FRMD5: variants seen among roughly 807,000 people sequenced by gnomAD.
The protein encoded by FRMD5 is FERM domain-containing protein 5.
FRMD5 carries 20 observed loss-of-function variants against 69.0 expected under a neutral mutation model. That is an observed-to-expected ratio of 0.29 (90% confidence interval 0.20 to 0.42). FRMD5 has a LOEUF of 0.42. FRMD5 is among the 10% of genes least tolerant of loss of function. FRMD5 has a pLI of 1.00. For synonymous variants in FRMD5, 271 were observed against 260.1 expected (o/e 1.04, Z -0.40); for missense variants, 595 against 708.6 (o/e 0.84, Z 1.82).
chr15:44,095,194 C>T (rs1322213494), intron 1 of FRMD5, among the ~76,000 whole-genome samples: 2 of 151,564 alleles, frequency 1.3e-5, no homozygotes, highest in Admixed American at 1.3e-4. Context: ...CCAGGGGATT[C>T]ACAATTTCTT....
intron 1 of FRMD5, among the ~76,000 whole-genome samples, chr15:43,952,010 G>C (rs903873780): frequency 0.015 from 2,228 of 148,786 alleles, 51 homozygotes; most frequent in African/African-American, 0.049. Context: ...CTGTGTGTGT[G>C]TGTGTGTGTG....
chr15:43,986,069 T>G (rs1889379821), intron 1 of FRMD5, among the ~76,000 whole-genome samples: 1 of 152,234 alleles, frequency 6.6e-6, no homozygotes. Flanking sequence ...CATGGTTTAT[T>G]AACTGTGAGT....
intron 1 of FRMD5, among the ~76,000 whole-genome samples, chr15:43,928,328 T>C (rs1239988401): frequency 1.3e-5 from 2 of 152,054 alleles, no homozygotes; most frequent in Non-Finnish European, 2.9e-5. Context: ...AGGAAAGAGG[T>C]AGACATAGAA....
At chr15:43,999,982 ATATATATG>A (rs1260692405) in intron 1 of FRMD5, among the ~76,000 whole-genome samples, 6 of 101,892 alleles carry the variant, frequency 5.9e-5, no homozygotes, top group African/African-American at 2.6e-4. Context: ...ATATATATAT[ATATATATG>A]TGCCATGATT....
intron 1 of FRMD5, among the ~76,000 whole-genome samples, chr15:44,007,749 G>C (rs1325492261): frequency 1.4e-5 from 2 of 146,520 alleles, no homozygotes; most frequent in East Asian, 4.1e-4. Flanking sequence ...GGGTTCAAGT[G>C]ATTCTCCTGC....
chr15:43,912,986 TC>T lies in FRMD5; in HGVS notation c.330-3008del, dbSNP rs1373893185. ...AGGCAGAGGTGGCAGTGCGCCAAGA[TC>T]GTGCCACTGCACTTCAGCCTGGCTG... On this transcript the variant is annotated intron_variant, in intron 4 of 13. Transcript: ENST00000417257. 8.1e-5 allele frequency among the ~76,000 whole-genome samples: 12 copies of T among 148,600 alleles called. No individual in the cohort carries two copies. In the South Asian group the frequency reaches 2.3e-3, roughly 29 times the overall value.
chr15:44,173,134 A>T (rs2077832912), intron 1 of FRMD5, among the ~76,000 whole-genome samples: 1 of 152,216 alleles, frequency 6.6e-6, no homozygotes, highest in South Asian at 2.1e-4. Context: ...TGACCAAGGT[A>T]AAGGCATATT....
At chr15:44,036,127 T>C (rs960755032) in intron 1 of FRMD5, among the ~76,000 whole-genome samples, 12 of 152,276 alleles carry the variant, frequency 7.9e-5, no homozygotes, top group African/African-American at 2.6e-4. Flanking sequence ...GAGAGGGCAC[T>C]TGTCAACAGG....
intron 1 of FRMD5, among the ~76,000 whole-genome samples, chr15:43,961,508 A>T (rs983529340): frequency 3.1e-4 from 47 of 152,270 alleles, no homozygotes; most frequent in East Asian, 2.3e-3. Flanking sequence ...CTTCTGAAAC[A>T]ATTCCAATCA....
At chr15:43,950,955 T>G (rs1566856208) in intron 1 of FRMD5, among the ~76,000 whole-genome samples, 1 of 152,194 alleles carries the variant, frequency 6.6e-6, no homozygotes, top group East Asian at 1.9e-4. Context: ...TTAATCTTGG[T>G]TTCTTCCCTC....
At chr15:43,909,407 AC>A (rs1015565246) in intron 5 of FRMD5, among the ~76,000 whole-genome samples, 2 of 151,706 alleles carry the variant, frequency 1.3e-5, no homozygotes, top group East Asian at 1.9e-4. Flanking sequence ...CTCAAAAAAA[AC>A]AAAACAAAAC....
chr15:43,912,758 C>G (rs933298300), intron 4 of FRMD5, among the ~76,000 whole-genome samples: 1 of 151,428 alleles, frequency 6.6e-6, no homozygotes, highest in South Asian at 2.1e-4. Flanking sequence ...TGGCTCACGC[C>G]TGTAATCCCA....
At chr15:43,969,768 A>G (rs367640298) in intron 1 of FRMD5, among the ~76,000 whole-genome samples, 99 of 152,360 alleles carry the variant, frequency 6.5e-4, no homozygotes, top group Admixed American at 9.8e-4. Context: ...TTGAGGGCCT[A>G]TACTAGTTAA....
chr15:44,151,409 AAAG>A (rs1028627908), intron 1 of FRMD5, among the ~76,000 whole-genome samples: 9 of 151,396 alleles, frequency 5.9e-5, no homozygotes, highest in African/African-American at 2.2e-4. Flanking sequence ...AAAAAAAAAA[AAAG>A]AAAGAAAGAA....
At chr15:43,927,079 C>A (rs1333983958) in intron 1 of FRMD5, among the ~76,000 whole-genome samples, 1 of 152,060 alleles carries the variant, frequency 6.6e-6, no homozygotes, top group Non-Finnish European at 1.5e-5. Flanking sequence ...CCAAACCCCA[C>A]TGAATGACTC....
At chr15:44,159,061 T>C (rs2077572216) in intron 1 of FRMD5, among the ~76,000 whole-genome samples, 1 of 151,468 alleles carries the variant, frequency 6.6e-6, no homozygotes, top group South Asian at 2.1e-4. Context: ...GAGAGATCCT[T>C]AGGAGGAACA....
chr15:43,874,131 G>A lies in FRMD5; in HGVS notation c.1467C>T (p.Pro489=), dbSNP rs755536011. 18 of 1,614,024 alleles carry A rather than the reference G, an allele frequency of 1.1e-5. No homozygotes were observed. Among genetic ancestry groups the A allele is most frequent in the African/African-American group, 6.7e-5 (5 of 74,900 alleles). The change falls in exon 14 of 14, where the codon CCC becomes CCT. Residue 489 remains proline (P), a synonymous_variant. Transcript: ENST00000417257. ...CAAACTTATTCACCTGTTCCTCCTC[G>A]GGCCCGCTGTGCCCCTGACACAGGG... ...LRALCQGHSG[P]EEEQVNKFVL...
chr15:44,184,177 G>C (rs994576905), intron 1 of FRMD5, among the ~76,000 whole-genome samples: 1 of 151,950 alleles, frequency 6.6e-6, no homozygotes, highest in Admixed American at 6.6e-5. Context: ...CTAAAGTAAG[G>C]CTTTACTGGC....
At chr15:44,010,515 G>C (rs1890669081) in intron 1 of FRMD5, among the ~76,000 whole-genome samples, 1 of 150,558 alleles carries the variant, frequency 6.6e-6, no homozygotes, top group Non-Finnish European at 1.5e-5. Flanking sequence ...TTCCTGCTTC[G>C]GCCTCCTGAG....
Sources: allele counts gnomAD v4.1 joint callset (sites outside exome capture counted in the v4.1 genomes callset), GRCh38; gene constraint gnomAD v4.1.1; transcripts MANE v1.5; gene names NCBI Gene and HGNC (gene_info 2026-07-23, HGNC 2026-07-21).